The following CD58 variants were observed in gnomAD, a reference collection of about 807,000 sequenced individuals.
CD58 encodes the protein lymphocyte function-associated antigen 3.
CD58 carries 14 observed loss-of-function variants against 27.6 expected under a neutral mutation model. The ratio of observed to expected loss-of-function variants is 0.51; its 90% CI spans 0.34 to 0.79. The LOEUF is 0.79. Ranked by LOEUF, CD58 falls within the 30% of genes least tolerant of loss-of-function variation. The probability of loss-of-function intolerance (pLI) is 0.02; values close to 1 mark genes in which losing one functional copy is unlikely to be tolerated. For missense variants in CD58, 268 were observed against 301.7 expected, an observed-to-expected ratio of 0.89 and a Z score of 0.83; for synonymous variants, 117 against 103.8, an observed-to-expected ratio of 1.13 and a Z score of -0.77.
At chr1:116,558,536 AG>A (rs1186808369) in intron 1 of CD58, among the ~76,000 whole-genome samples, 3 of 152,230 alleles carry the variant, frequency 2.0e-5, no homozygotes, top group Non-Finnish European at 2.9e-5. Context: ...TAAAATGTCT[AG>A]GCTAGTAATT....
At position 116,556,447 on chromosome 1, in the gene CD58, C is replaced by G. The variant is rs576359142; in HGVS notation, c.71-11843G>C. On this transcript the variant is annotated intron_variant, in intron 1 of 5. Coordinates refer to ENST00000369489, the MANE Select transcript of CD58 (RefSeq NM_001779.3). ...CCATTGTTTCTTATTTAGCTTGCTACATGGCATAAGGCTCTTAAAGATAGT... is the reference window on the plus strand; with the variant it reads ...CCATTGTTTCTTATTTAGCTTGCTAGATGGCATAAGGCTCTTAAAGATAGT... Among the ~76,000 whole-genome samples the G allele has an allele frequency of 6.6e-5, 10 of 152,210 alleles. No individual in the cohort carries two copies. In the South Asian group the frequency reaches 2.1e-3, roughly 32 times the overall value.
chr1:116,529,712 G>A (rs1297461953), intron 3 of CD58, among the ~76,000 whole-genome samples: 1 of 152,220 alleles, frequency 6.6e-6, no homozygotes, highest in African/African-American at 2.4e-5. Context: ...ACAGGAGTTT[G>A]TTGTGGAGCA....
At position 116,528,553 on chromosome 1, in the gene CD58, T is replaced by C. The variant is rs1478326762; in HGVS notation, c.629-6570A>G. ...TTGGTCCATAAATGTGTACAACAGTTGGAAACTGGTACTCTAGAGAATATC... is the reference window on the plus strand; with the variant it reads ...TTGGTCCATAAATGTGTACAACAGTCGGAAACTGGTACTCTAGAGAATATC... On this transcript the variant is annotated intron_variant, in intron 3 of 5. Transcript: ENST00000369489. The surrounding 1 kb of genome is among the most constrained non-coding windows in gnomAD (Gnocchi z 4.4). Among the ~76,000 whole-genome samples, 1 of 152,202 alleles carries C rather than the reference T, an allele frequency of 6.6e-6. No homozygotes were observed. Among genetic ancestry groups the C allele is most frequent in the Non-Finnish European group, 1.5e-5 (1 of 68,026 alleles).
rs901484976 is a variant in CD58 at position 116,550,206 on chromosome 1, T to C, written c.71-5602A>G. Among the ~76,000 whole-genome samples the C allele has an allele frequency of 6.6e-6, 1 of 152,234 alleles. No homozygotes were observed. Among genetic ancestry groups the C allele is most frequent in the Non-Finnish European group, 1.5e-5 (1 of 68,036 alleles). ...ACAATGATGAGTTTTGCTGCATCAA[T>C]GGACCCTTCCTTTCACAAAATATTT... is the stretch of plus-strand genomic sequence containing the variant. On this transcript the variant is annotated intron_variant, in intron 1 of 5. Coordinates refer to ENST00000369489, the MANE Select transcript of CD58 (RefSeq NM_001779.3). This position sits in a 1 kb window ranked among gnomAD's most constrained non-coding sequence, Gnocchi z 4.2.
rs780214800 is a variant in CD58, at chr1:116,550,019, C to T, written c.71-5415G>A. 2.6e-5 allele frequency among the ~76,000 whole-genome samples: 4 copies of T among 151,806 alleles called. No individual in the cohort carries two copies. Among genetic ancestry groups the T allele is most frequent in the African/African-American group, 4.8e-5 (2 of 41,252 alleles). Reference sequence around the variant, plus strand: ...AATGTACATATTTAATTAAAAAATACTTTATTGCTGAAAAAAAAAACATGC... The same window carrying T: ...AATGTACATATTTAATTAAAAAATATTTTATTGCTGAAAAAAAAAACATGC... On this transcript the variant is annotated intron_variant, in intron 1 of 5. Transcript: ENST00000369489. This position sits in a 1 kb window ranked among gnomAD's most constrained non-coding sequence, Gnocchi z 4.2.
At chr1:116,558,027 G>C (rs192709334) in intron 1 of CD58, among the ~76,000 whole-genome samples, 25 of 151,600 alleles carry the variant, frequency 1.6e-4, no homozygotes, top group Admixed American at 1.5e-3. Flanking sequence ...GAAGGAAAGG[G>C]TTTTCTTGAG....
rs1221447462 is a variant in CD58, at chr1:116,534,528, G to A, written c.628+1437C>T. On this transcript the variant is annotated intron_variant, in intron 3 of 5. Coordinates refer to ENST00000369489, the MANE Select transcript of CD58 (RefSeq NM_001779.3). The surrounding 1 kb of genome is among the most constrained non-coding windows in gnomAD (Gnocchi z 5.3). Reference sequence around the variant, plus strand: ...CTACGCCTCCTCCGCTGGGCCGCCGGCGAGGAAGCCGCCCGCAGCGCAGAA... The same window carrying A: ...CTACGCCTCCTCCGCTGGGCCGCCGACGAGGAAGCCGCCCGCAGCGCAGAA... 2.0e-5 allele frequency among the ~76,000 whole-genome samples: 3 copies of A among 152,148 alleles called. No homozygotes were observed. Among genetic ancestry groups the A allele is most frequent in the African/African-American group, 7.2e-5 (3 of 41,436 alleles).
At chr1:116,526,073 T>C (rs945160379) in intron 3 of CD58, among the ~76,000 whole-genome samples, 1 of 152,198 alleles carries the variant, frequency 6.6e-6, no homozygotes, top group Non-Finnish European at 1.5e-5. Context: ...GTTTTAAAAG[T>C]TTTTTGTATA....
At chr1:116,565,479 A>G (rs1321155599) in intron 1 of CD58, among the ~76,000 whole-genome samples, 1 of 152,158 alleles carries the variant, frequency 6.6e-6, no homozygotes, top group African/African-American at 2.4e-5. Flanking sequence ...TGACCACACT[A>G]TGTAATACTA....
Position 116,531,399 on chromosome 1 carries a change from C to A in CD58, c.628+4566G>T, listed in dbSNP as rs1657600297. On this transcript the variant is annotated intron_variant, in intron 3 of 5. Transcript: ENST00000369489. The surrounding 1 kb of genome is among the most constrained non-coding windows in gnomAD (Gnocchi z 4.5). Reference sequence around the variant, plus strand: ...TGCTCTGTCTATATGTGGTCATCTTCTTCCCCCTTGTCAGTTAGATGCAGC... The same window carrying A: ...TGCTCTGTCTATATGTGGTCATCTTATTCCCCCTTGTCAGTTAGATGCAGC... Among the ~76,000 whole-genome samples, 1 of 152,222 alleles carries A rather than the reference C, an allele frequency of 6.6e-6. No homozygotes were observed. Among genetic ancestry groups the A allele is most frequent in the South Asian group, 2.1e-4 (1 of 4,830 alleles).
At chr1:116,560,759 T>C (rs1312701790) in intron 1 of CD58, among the ~76,000 whole-genome samples, 1 of 152,208 alleles carries the variant, frequency 6.6e-6, no homozygotes, top group Non-Finnish European at 1.5e-5. Flanking sequence ...GGGCAGGCAC[T>C]GAAAGTTATC....
intron 1 of CD58, among the ~76,000 whole-genome samples, chr1:116,560,598 T>C (rs1658721238): frequency 6.6e-6 from 1 of 152,210 alleles, no homozygotes. Context: ...TTAACTGGCA[T>C]AGGAAGAAAA....
chr1:116,564,077 A>C (rs1658854765), intron 1 of CD58, among the ~76,000 whole-genome samples: 1 of 152,226 alleles, frequency 6.6e-6, no homozygotes, highest in African/African-American at 2.4e-5. Context: ...AACAGCAACC[A>C]AGCCACCTCT....
Position 116,536,273 on chromosome 1 carries a change from T to C in CD58, c.365-45A>G. 1 of 1,464,200 alleles carries C rather than the reference T, an allele frequency of 6.8e-7. No homozygotes were observed. The highest frequency in any genetic ancestry group is 1.4e-5 in the African/African-American group (1 of 70,658). The allele number at this position is 1,464,200 out of a possible 1,614,324, so 90.7% of individuals were successfully genotyped here. On this transcript the variant is annotated intron_variant, in intron 2 of 5. Transcript: ENST00000369489. This position sits in a 1 kb window ranked among gnomAD's most constrained non-coding sequence, Gnocchi z 5.4. Reference sequence around the variant, plus strand: ...ATTTAGTACAGAAAATAGTAATATTTAGACTTATCATCTGCAAATTTATGA... The same window carrying C: ...ATTTAGTACAGAAAATAGTAATATTCAGACTTATCATCTGCAAATTTATGA...
chr1:116,562,540 A>C (rs2101226138), intron 1 of CD58, among the ~76,000 whole-genome samples: 1 of 152,282 alleles, frequency 6.6e-6, no homozygotes, highest in South Asian at 2.1e-4. Context: ...GCTAATAATG[A>C]CATACATGAG....
Position 116,559,493 on chromosome 1 carries a change from C to T in CD58, c.70+11410G>A, listed in dbSNP as rs980663833. 3.3e-5 allele frequency among the ~76,000 whole-genome samples: 5 copies of T among 152,140 alleles called. No homozygotes were observed. The highest frequency in any genetic ancestry group is 4.1e-4 in the South Asian group (2 of 4,824). The stretch of plus-strand genomic sequence containing the variant: ...GGGGCCATTCCTCTTTTTTCCTGAT[C>T]GATTCCACCCTTAGCCGGTCCCAGT... On this transcript the variant is annotated intron_variant, in intron 1 of 5. Coordinates refer to ENST00000369489, the MANE Select transcript of CD58 (RefSeq NM_001779.3). The surrounding 1 kb of genome is among the most constrained non-coding windows in gnomAD (Gnocchi z 4.4).
rs1161397658 is a variant in CD58 at position 116,534,385 on chromosome 1, T to C, written c.628+1580A>G. On this transcript the variant is annotated intron_variant, in intron 3 of 5. Coordinates refer to ENST00000369489, the MANE Select transcript of CD58 (RefSeq NM_001779.3). The surrounding 1 kb of genome is among the most constrained non-coding windows in gnomAD (Gnocchi z 5.3). ...ACATCTAATAAAGAGGTCCTGGACG[T>C]CTCCACCTTAAAAACGGGAAGCCTG... 6.6e-6 allele frequency among the ~76,000 whole-genome samples: 1 copy of C among 152,214 alleles called. No homozygotes were observed. Among genetic ancestry groups the C allele is most frequent in the Admixed American group, 6.5e-5 (1 of 15,290 alleles).
rs770541704 is a variant in CD58 at position 116,536,651 on chromosome 1, C to T, written c.365-423G>A. ...GTGAAAAAAGTGCTTGCTTCTCCTT[C>T]GCCTTCTGCCATGATTGTAAGTTTC... On this transcript the variant is annotated intron_variant, in intron 2 of 5. Transcript: ENST00000369489. The surrounding 1 kb of genome is among the most constrained non-coding windows in gnomAD (Gnocchi z 5.4). 2.7e-4 allele frequency among the ~76,000 whole-genome samples: 41 copies of T among 152,176 alleles called. No individual in the cohort carries two copies. The highest frequency in any genetic ancestry group is 4.0e-4 in the Non-Finnish European group (27 of 68,036).
rs1048125206 is a variant in CD58, at chr1:116,515,784, C to CACTT, written c.744-966_744-963dup. Reference sequence around the variant, plus strand: ...CTAACTTTGTGATCTGTTTTCTAGACACTTACACAAAAAATACCAGGGCAC... The same window carrying CACTT: ...CTAACTTTGTGATCTGTTTTCTAGACACTTACTTACACAAAAAATACCAGGGCAC... On this transcript the variant is annotated intron_variant, in intron 5 of 5. Coordinates refer to ENST00000369489, the MANE Select transcript of CD58 (RefSeq NM_001779.3). This position sits in a 1 kb window ranked among gnomAD's most constrained non-coding sequence, Gnocchi z 4.6. Among the ~76,000 whole-genome samples the CACTT allele has an allele frequency of 2.0e-5, 3 of 152,196 alleles. No homozygotes were observed. The highest frequency in any genetic ancestry group is 7.2e-5 in the African/African-American group (3 of 41,442).
Sources: gnomAD v4.1 joint callset for allele counts (sites outside exome capture counted in the v4.1 genomes callset) on GRCh38, gnomAD v4.1.1 for gene constraint, Gnocchi (gnomAD v3.1) non-coding constraint, MANE v1.5 for transcripts, NCBI Gene and HGNC (gene_info 2026-07-23, HGNC 2026-07-21) for gene names.